Variants in MSRB3 observed in about 807,000 individuals in gnomAD.
MSRB3 encodes methionine-R-sulfoxide reductase B3.
MSRB3 carries 13 observed loss-of-function variants against 21.0 expected under a neutral mutation model. The observed-to-expected ratio is 0.62, with a 90% CI of 0.40 to 0.98. The LOEUF is 0.98. Among genes scored for constraint, MSRB3 ranks in the 50% least tolerant of loss-of-function variants. The pLI, the probability that MSRB3 is intolerant of heterozygous loss-of-function variation, is 0.00. For synonymous variants in MSRB3, 87 were observed against 88.6 expected, an observed-to-expected ratio of 0.98 and a Z score of 0.10; for missense variants, 199 against 230.3, an observed-to-expected ratio of 0.86 and a Z score of 0.88.
chr12:65,429,410 G>A (rs116974349), intron 5 of MSRB3, among the ~76,000 whole-genome samples: 3,119 of 152,158 alleles, frequency 0.02, 54 homozygotes, highest in Middle Eastern at 0.085. Flanking sequence ...GATATGTTAC[G>A]GCAACCAAGA....
chr12:65,381,839 T>C (rs985614610), intron 5 of MSRB3, among the ~76,000 whole-genome samples: 4 of 152,072 alleles, frequency 2.6e-5, no homozygotes, highest in Admixed American at 2.0e-4. Context: ...AGAACTTAAA[T>C]AGCCATATGG....
intron 4 of MSRB3, among the ~76,000 whole-genome samples, chr12:65,340,261 G>C (rs1482180113): frequency 6.6e-6 from 1 of 152,088 alleles, no homozygotes; most frequent in Non-Finnish European, 1.5e-5. Context: ...ACACAAGAAA[G>C]TAGGACTGGC....
intron 1 of MSRB3, among the ~76,000 whole-genome samples, chr12:65,299,240 C>G (rs934962694): frequency 6.6e-6 from 1 of 152,182 alleles, no homozygotes; most frequent in Non-Finnish European, 1.5e-5. Context: ...GTCTCTTCAC[C>G]TTTCTGTTTA....
chr12:65,360,894 T>A (rs1050503797), intron 4 of MSRB3, among the ~76,000 whole-genome samples: 4 of 152,180 alleles, frequency 2.6e-5, no homozygotes, highest in Non-Finnish European at 5.9e-5. Flanking sequence ...CCATATTGCA[T>A]AATTAGGTCA....
At chr12:65,383,683 T>TG (rs1879061627) in intron 5 of MSRB3, among the ~76,000 whole-genome samples, 1 of 146,280 alleles carries the variant, frequency 6.8e-6, no homozygotes, top group Admixed American at 6.9e-5. Context: ...TTTTTTGAGA[T>TG]GGAGTCTCAC....
intron 4 of MSRB3, among the ~76,000 whole-genome samples, chr12:65,348,893 G>C (rs187889183): frequency 6.6e-6 from 1 of 150,906 alleles, no homozygotes; most frequent in Admixed American, 6.6e-5. Flanking sequence ...GTGGTTGTGC[G>C]GTTTTGAGTG....
intron 5 of MSRB3, among the ~76,000 whole-genome samples, chr12:65,373,156 C>T (rs1878416254): frequency 1.3e-5 from 2 of 152,038 alleles, no homozygotes; most frequent in Non-Finnish European, 1.5e-5. Context: ...AGAACATGCA[C>T]GTCTCTCAAA....
intron 5 of MSRB3, among the ~76,000 whole-genome samples, chr12:65,422,961 C>CT (rs141803317): frequency 0.19 from 24,209 of 124,236 alleles, 2,851 homozygotes; most frequent in Admixed American, 0.25. Context: ...TTAGGGTTTT[C>CT]TTTTTTTTTT....
At position 65,281,551 on chromosome 12, in the gene MSRB3, A is replaced by C. The variant is rs886705701; in HGVS notation, c.-52+2686A>C. On this transcript the variant is annotated intron_variant, in intron 1 of 6. Coordinates refer to ENST00000308259, the MANE Select transcript of MSRB3 (RefSeq NM_001031679.3). ...TGTGTTAATACCTGGAACATGCACA[A>C]AGATACATACATACCTGGACAGATT... The C allele has an allele frequency of 2.0e-5, 3 of 152,218 alleles. No homozygotes were observed. In the East Asian group the frequency reaches 5.8e-4, roughly 29 times the overall value. The allele number at this position is 152,218 out of a possible 1,614,324, so 9.4% of individuals were successfully genotyped here.
intron 4 of MSRB3, among the ~76,000 whole-genome samples, chr12:65,332,750 CTGTG>C (rs549859464): frequency 1.6e-3 from 251 of 152,280 alleles, no homozygotes; most frequent in African/African-American, 5.7e-3. Flanking sequence ...TACTTGACTG[CTGTG>C]TGTATTTTAC....
intron 1 of MSRB3, among the ~76,000 whole-genome samples, chr12:65,293,807 G>A (rs1226642526): frequency 6.6e-6 from 1 of 152,190 alleles, no homozygotes; most frequent in East Asian, 1.9e-4. Context: ...ATAGAGTGAG[G>A]AATAAATGCA....
chr12:65,297,611 C>T (rs930688071), intron 1 of MSRB3, among the ~76,000 whole-genome samples: 6 of 152,034 alleles, frequency 3.9e-5, no homozygotes, highest in African/African-American at 9.7e-5. Flanking sequence ...TACCAGAGAG[C>T]GTTGAGGATT....
intron 1 of MSRB3, 105 bp from the exon 2 acceptor site, chr12:65,308,424 G>T: frequency 4.2e-6 from 6 of 1,427,858 alleles, no homozygotes; most frequent in Non-Finnish European, 5.7e-6. Context: ...GTATGTGCAT[G>T]TGTTCAGTTC....
chr12:65,387,690 A>C (rs182995119), intron 5 of MSRB3, among the ~76,000 whole-genome samples: 8 of 152,302 alleles, frequency 5.3e-5, no homozygotes, highest in Non-Finnish European at 1.2e-4. Context: ...TTTGTAAAAC[A>C]ATATTTATAA....
intron 5 of MSRB3, among the ~76,000 whole-genome samples, chr12:65,451,393 C>T (rs1169876019): frequency 6.6e-6 from 1 of 152,130 alleles, no homozygotes; most frequent in African/African-American, 2.4e-5. Context: ...TTCAACCTCC[C>T]TCATCCTGCT....
intron 4 of MSRB3, among the ~76,000 whole-genome samples, chr12:65,335,158 C>G (rs568253864): frequency 1.1e-4 from 16 of 152,228 alleles, no homozygotes; most frequent in Non-Finnish European, 2.4e-4. Context: ...AAACTAAATG[C>G]AGAAAAATGC....
Position 65,463,152 on chromosome 12 carries a change from C to T in MSRB3, c.391-3C>T, listed in dbSNP as rs373341707. The T allele has an allele frequency of 1.1e-5, 18 of 1,613,974 alleles. No individual in the cohort carries two copies. The highest frequency in any genetic ancestry group is 1.5e-5 in the Non-Finnish European group (18 of 1,180,026). On this transcript the variant is annotated splice_polypyrimidine_tract_variant and splice_region_variant and intron_variant, in intron 6 of 6. Coordinates refer to ENST00000308259, the MANE Select transcript of MSRB3 (RefSeq NM_001031679.3). ...TCCCTGACGTTTTGTTCTTCTCTTT[C>T]AGTGTGGTGCTCACCTTGGGCACAT...
chr12:65,372,929 C>T (rs145544405), intron 5 of MSRB3, among the ~76,000 whole-genome samples: 1 of 152,256 alleles, frequency 6.6e-6, no homozygotes, highest in East Asian at 1.9e-4. Flanking sequence ...AAGCTAGGCA[C>T]CTTTGGAAAT....
At chr12:65,402,854 C>T (rs1018897054) in intron 5 of MSRB3, among the ~76,000 whole-genome samples, 1 of 152,192 alleles carries the variant, frequency 6.6e-6, no homozygotes, top group Non-Finnish European at 1.5e-5. Flanking sequence ...TTCTAACATT[C>T]AGGCTCCTCT....
Sources: gnomAD v4.1 joint callset for allele counts (sites outside exome capture counted in the v4.1 genomes callset) on GRCh38, gnomAD v4.1.1 for gene constraint, MANE v1.5 for transcripts, NCBI Gene and HGNC (gene_info 2026-07-23, HGNC 2026-07-21) for gene names.